SORT1: variants seen among roughly 807,000 people sequenced by gnomAD.
The protein encoded by SORT1 is sortilin.
SORT1 carries 39 observed loss-of-function variants against 101.7 expected under a neutral mutation model. That is an observed-to-expected ratio of 0.38 (90% CI 0.30 to 0.50). SORT1 has a LOEUF of 0.50. Among genes scored for constraint, SORT1 ranks in the 20% least tolerant of loss-of-function variants. SORT1 has a pLI of 0.90. For synonymous variants in SORT1, 396 were observed against 393.7 expected, an observed-to-expected ratio of 1.01 and a Z score of -0.07; for missense variants, 878 against 1,040.4, an observed-to-expected ratio of 0.84 and a Z score of 2.15.
At chr1:109,339,169 G>A (rs951459666) in intron 10 of SORT1, among the ~76,000 whole-genome samples, 1 of 152,078 alleles carries the variant, frequency 6.6e-6, no homozygotes, top group Non-Finnish European at 1.5e-5. Context: ...GAGCCACCGC[G>A]CCCAGCGACT....
At chr1:109,344,026 A>T (rs546109444) in intron 8 of SORT1, among the ~76,000 whole-genome samples, 21 of 152,158 alleles carry the variant, frequency 1.4e-4, no homozygotes, top group Non-Finnish European at 3.1e-4. Flanking sequence ...TGGCACCACC[A>T]TTCAGGCGCT....
At chr1:109,361,548 A>T (rs920338917) in intron 3 of SORT1, among the ~76,000 whole-genome samples, 1 of 152,188 alleles carries the variant, frequency 6.6e-6, no homozygotes, top group Non-Finnish European at 1.5e-5. Flanking sequence ...TTTTTCAAGC[A>T]TGCACCTCAA....
intron 1 of SORT1, among the ~76,000 whole-genome samples, chr1:109,387,680 C>T (rs1259267282): frequency 5.9e-5 from 9 of 152,090 alleles, no homozygotes; most frequent in East Asian, 5.8e-4. Flanking sequence ...TTGGGCTGGG[C>T]GCGGTGGCTC....
chr1:109,372,587 C>T (rs1293977685), intron 1 of SORT1, among the ~76,000 whole-genome samples: 2 of 151,950 alleles, frequency 1.3e-5, no homozygotes, highest in Non-Finnish European at 2.9e-5. Context: ...ACCTTTCTAC[C>T]GGAAACAGCT....
At position 109,354,618 on chromosome 1, in the gene SORT1, G is replaced by C. The variant is rs925352157; in HGVS notation, c.544-87C>G. ...CTTACACCATTTTCACCAGACATTAGTTAAGAAATTTTAGTTCTAGAAATA... is the reference window on the plus strand; with the variant it reads ...CTTACACCATTTTCACCAGACATTACTTAAGAAATTTTAGTTCTAGAAATA... On this transcript the variant is annotated intron_variant, in intron 4 of 19. Transcript: ENST00000256637. The C allele has an allele frequency of 1.2e-5, 12 of 997,236 alleles. No individual in the cohort carries two copies. In the African/African-American group the frequency reaches 2.0e-4, roughly 16 times the overall value. The allele number at this position is 997,236 out of a possible 1,614,324, so 61.8% of individuals were successfully genotyped here. A position where few individuals can be genotyped will look rare whatever the true frequency, so the allele number is the denominator to read the frequency against.
chr1:109,339,490 A>G (rs1649066884), intron 10 of SORT1, among the ~76,000 whole-genome samples: 1 of 152,268 alleles, frequency 6.6e-6, no homozygotes, highest in Non-Finnish European at 1.5e-5. Flanking sequence ...GCATATAAAA[A>G]GTTGTTCAAC....
rs1208330725 is a variant in SORT1, at chr1:109,313,071, C to G, written c.*972G>C. The G allele has an allele frequency of 6.6e-6, 1 of 152,198 alleles. No individual in the cohort carries two copies. Among genetic ancestry groups the G allele is most frequent in the Non-Finnish European group, 1.5e-5 (1 of 68,048 alleles). The allele number at this position is 152,198 out of a possible 1,614,324, so 9.4% of individuals were successfully genotyped here. A position where few individuals can be genotyped will look rare whatever the true frequency, so the allele number is the denominator to read the frequency against. ...CATGATTTAGCAACGAGCCACACGA[C>G]AGTTAAGAAGGGAACATGGAAGACT... On this transcript the variant is annotated 3_prime_UTR_variant, in exon 20 of 20. Transcript: ENST00000256637.
chr1:109,378,713 TATATATA>T (rs1652019950), intron 1 of SORT1, among the ~76,000 whole-genome samples: 1 of 9,042 alleles, frequency 1.1e-4, no homozygotes, highest in African/African-American at 3.1e-4. Context: ...TATATATATA[TATATATA>T]TATATATATA....
chr1:109,336,995 G>A (rs1648878948), intron 10 of SORT1, among the ~76,000 whole-genome samples: 1 of 152,070 alleles, frequency 6.6e-6, no homozygotes, highest in South Asian at 2.1e-4. Context: ...ATCTACCACA[G>A]GAAGGCATCC....
intron 1 of SORT1, among the ~76,000 whole-genome samples, chr1:109,380,411 AG>A (rs1652146953): frequency 6.6e-6 from 1 of 152,240 alleles, no homozygotes; most frequent in African/African-American, 2.4e-5. Flanking sequence ...CTATGTAAAA[AG>A]TTTAAATTGC....
intron 3 of SORT1, among the ~76,000 whole-genome samples, 186 bp from the exon 4 acceptor site, chr1:109,355,655 C>CCCA (rs1650268639): frequency 7.1e-6 from 1 of 141,450 alleles, no homozygotes; most frequent in Non-Finnish European, 1.6e-5. Context: ...GCCCCCCCCC[C>CCCA]CACAAACCCA....
chr1:109,345,589 C>CAA (rs1379825060), intron 8 of SORT1, among the ~76,000 whole-genome samples, 162 bp downstream of exon 8: 1 of 151,556 alleles, frequency 6.6e-6, no homozygotes, highest in Non-Finnish European at 1.5e-5. Flanking sequence ...AGTAGCCTAT[C>CAA]AGTCAATCAG....
chr1:109,320,602 G>A (rs1211535614), intron 15 of SORT1, among the ~76,000 whole-genome samples: 1 of 152,168 alleles, frequency 6.6e-6, no homozygotes, highest in African/African-American at 2.4e-5. Flanking sequence ...TCAACGCTCA[G>A]CTCTCATACC....
At chr1:109,354,073 C>T (rs1650142636) in intron 5 of SORT1, among the ~76,000 whole-genome samples, 1 of 151,978 alleles carries the variant, frequency 6.6e-6, no homozygotes, top group African/African-American at 2.4e-5. Context: ...TCCCTTGTAG[C>T]ACAAGAATGA....
At chr1:109,378,809 G>T (rs773348591) in intron 1 of SORT1, among the ~76,000 whole-genome samples, 5 of 140,594 alleles carry the variant, frequency 3.6e-5, no homozygotes, top group Non-Finnish European at 7.6e-5. Context: ...AATGGAGAGT[G>T]TGGGGAGAAG....
At chr1:109,321,129 T>G (rs1049174671) in intron 15 of SORT1, among the ~76,000 whole-genome samples, 24 of 152,350 alleles carry the variant, frequency 1.6e-4, no homozygotes, top group African/African-American at 5.5e-4. Context: ...TGTTAGCTGC[T>G]ATCATGATTA....
chr1:109,314,526 T>C (rs1658922174), intron 18 of SORT1, 142 bp from the exon 19 acceptor site: 1 of 1,193,038 alleles, frequency 8.4e-7, no homozygotes, highest in Admixed American at 2.4e-5. Context: ...ATATGAAAAA[T>C]GTACGACATG....
At position 109,318,042 on chromosome 1, in the gene SORT1, A is replaced by G. The variant is rs909114705; in HGVS notation, c.2025-73T>C. 16 of 925,198 alleles carry G rather than the reference A, an allele frequency of 1.7e-5. No individual in the cohort carries two copies. In the African/African-American group the frequency reaches 2.6e-4, roughly 15 times the overall value. 57.3% of individuals were successfully genotyped at this position (925,198 alleles called of 1,614,324 possible). The stretch of plus-strand genomic sequence containing the variant: ...GTTAAGTGACTAGCAATGAAGGGTT[A>G]TGTGGGGTAGTGGATGGTTAACATT... On this transcript the variant is annotated intron_variant, in intron 15 of 19. Transcript: ENST00000256637.
Position 109,312,266 on chromosome 1 carries a change from T to A in SORT1, c.*1777A>T, listed in dbSNP as rs143109007. 3.9e-5 allele frequency: 6 copies of A among 152,694 alleles called. No individual in the cohort carries two copies. The highest frequency in any genetic ancestry group is 1.4e-4 in the African/African-American group (6 of 41,574). 9.5% of individuals were successfully genotyped at this position (152,694 alleles called of 1,614,324 possible). ...GGAATTATTTTTAATTTTAAAACCA[T>A]GCAAAATGAATAAGCAAAAAGACTA... On this transcript the variant is annotated 3_prime_UTR_variant, in exon 20 of 20. Transcript: ENST00000256637.
Sources: gnomAD v4.1 joint callset for allele counts (sites outside exome capture counted in the v4.1 genomes callset) on GRCh38, gnomAD v4.1.1 for gene constraint, MANE v1.5 for transcripts, NCBI Gene and HGNC (gene_info 2026-07-23, HGNC 2026-07-21) for gene names.